API5: variants seen among roughly 807,000 people sequenced by gnomAD.
API5 encodes the protein FIF.
In API5, 6 loss-of-function variants were observed where a neutral mutation model predicts 71.9. That is an observed-to-expected ratio of 0.08 (90% CI 0.05 to 0.16). The LOEUF (loss-of-function observed/expected upper bound fraction) is 0.16, where lower values mean the gene tolerates loss of function less well. Ranked by LOEUF, API5 falls within the 10% of genes least tolerant of loss-of-function variation. API5 has a pLI of 1.00. For synonymous variants in API5, 189 were observed against 221.3 expected (o/e 0.85, Z 1.30); for missense variants, 332 against 612.8 (o/e 0.54, Z 4.84).
At chr11:43,322,396 A>G (rs181336927) in intron 5 of API5, among the ~76,000 whole-genome samples, 1 of 151,804 alleles carries the variant, frequency 6.6e-6, no homozygotes, top group Admixed American at 6.6e-5. Flanking sequence ...AATTTGTGCA[A>G]CCTCTGCAAA....
intron 6 of API5, among the ~76,000 whole-genome samples, chr11:43,325,981 CA>C (rs1855057747): frequency 6.6e-6 from 1 of 152,208 alleles, no homozygotes; most frequent in African/African-American, 2.4e-5. Flanking sequence ...TCTCCACCGC[CA>C]CAGTGCTCCT....
At chr11:43,314,043 C>T (rs1206215966) in intron 1 of API5, among the ~76,000 whole-genome samples, 2 of 151,440 alleles carry the variant, frequency 1.3e-5, no homozygotes, top group Admixed American at 6.6e-5. Flanking sequence ...GAGCTGATAT[C>T]GGGCCACTGC....
At chr11:43,312,910 C>T (rs975244404) in intron 1 of API5, among the ~76,000 whole-genome samples, 5 of 151,970 alleles carry the variant, frequency 3.3e-5, no homozygotes, top group African/African-American at 1.2e-4. Context: ...AGTTCGAGAC[C>T]AGCCTGACCC....
At chr11:43,331,001 A>G (rs1042527178) in intron 11 of API5, among the ~76,000 whole-genome samples, 3 of 152,188 alleles carry the variant, frequency 2.0e-5, no homozygotes, top group African/African-American at 7.2e-5. Flanking sequence ...TGAGAGAACC[A>G]GAAAAAAATC....
In API5 at chr11:43,343,004, CAT is replaced by C. The variant is rs1855672746; in HGVS notation, c.*496_*497del. 1 of 190,364 alleles carries C rather than the reference CAT, an allele frequency of 5.3e-6. No homozygotes were observed. The highest frequency in any genetic ancestry group is 1.3e-4 in the East Asian group (1 of 7,886). 11.8% of individuals were successfully genotyped at this position (190,364 alleles called of 1,614,324 possible). A position where few individuals can be genotyped will look rare whatever the true frequency, so the allele number is the denominator to read the frequency against. ...GTGGTGCAGCATTCCTACCTAGTGTCATAAAAGCAAAATACTTACATAGCTTT... is the reference window on the plus strand; with the variant it reads ...GTGGTGCAGCATTCCTACCTAGTGTCAAAAGCAAAATACTTACATAGCTTT... On this transcript the variant is annotated 3_prime_UTR_variant, in exon 14 of 14. Transcript: ENST00000531273.
At chr11:43,339,350 G>A (rs926622817) in intron 13 of API5, 1 of 152,178 alleles carries the variant, frequency 6.6e-6, no homozygotes, top group African/African-American at 2.4e-5. Flanking sequence ...CAAGATTGTG[G>A]ATCAAAAACA....
intron 13 of API5, among the ~76,000 whole-genome samples, chr11:43,341,872 G>T (rs570483524): frequency 2.0e-5 from 3 of 152,172 alleles, no homozygotes; most frequent in Admixed American, 2.0e-4. Context: ...TTTAAAAAGT[G>T]TACGGGCTGG....
At position 43,311,998 on chromosome 11, in the gene API5, G is replaced by C. The variant is rs1480167338; in HGVS notation, c.-130G>C. 5.7e-6 allele frequency: 6 copies of C among 1,058,192 alleles called. No individual in the cohort carries two copies. The highest frequency in any genetic ancestry group is 4.9e-5 in the Admixed American group (2 of 40,926). 65.6% of individuals were successfully genotyped at this position (1,058,192 alleles called of 1,614,324 possible). A position where few individuals can be genotyped will look rare whatever the true frequency, so the allele number is the denominator to read the frequency against. ...GGGGCGCAGCCGCGCTGTGCGCGGT[G>C]ACTGGCGGCTGCACTGGCGGCAGCT... On this transcript the variant is annotated 5_prime_UTR_variant, in exon 1 of 14. Transcript: ENST00000531273.
chr11:43,333,944 G>A (rs1001891099), intron 11 of API5, among the ~76,000 whole-genome samples: 2 of 152,060 alleles, frequency 1.3e-5, no homozygotes, highest in African/African-American at 4.8e-5. Context: ...CTTCATTCTC[G>A]AGGATTCAAC....
chr11:43,329,834 A>C (rs1590262522), intron 9 of API5, 131 bp from the exon 10 acceptor site: 1 of 697,916 alleles, frequency 1.4e-6, no homozygotes, highest in East Asian at 2.7e-5. Flanking sequence ...AGCAACTTAA[A>C]ATTCTCTTCT....
In API5 at chr11:43,311,996, G is replaced by A; in HGVS notation, c.-132G>A. 2.9e-6 allele frequency: 3 copies of A among 1,046,212 alleles called. No individual in the cohort carries two copies. Among genetic ancestry groups the A allele is most frequent in the Non-Finnish European group, 4.2e-6 (3 of 715,134 alleles). 64.8% of individuals were successfully genotyped at this position (1,046,212 alleles called of 1,614,324 possible). A position where few individuals can be genotyped will look rare whatever the true frequency, so the allele number is the denominator to read the frequency against. ...CGGGGGCGCAGCCGCGCTGTGCGCG[G>A]TGACTGGCGGCTGCACTGGCGGCAG... On this transcript the variant is annotated 5_prime_UTR_variant, in exon 1 of 14. In the 5' UTR this introduces an upstream ATG that the reference lacks. Transcript: ENST00000531273.
chr11:43,328,936 AG>A (rs1855160797), intron 9 of API5, 43 bp downstream of exon 9: 1 of 1,602,760 alleles, frequency 6.2e-7, no homozygotes, highest in Non-Finnish European at 8.5e-7. Context: ...CAAAGGTGGT[AG>A]CTATCCTGAA....
intron 13 of API5, 100 bp from the exon 14 acceptor site, chr11:43,342,328 G>A (rs1321828416): frequency 2.2e-6 from 2 of 920,794 alleles, no homozygotes; most frequent in Admixed American, 2.4e-5. Context: ...GTTCTTATAG[G>A]GCCTACTGCT....
In API5 at chr11:43,322,152, C is replaced by G. The variant is rs772199735; in HGVS notation, c.543+16C>G. 2 of 1,578,774 alleles carry G rather than the reference C, an allele frequency of 1.3e-6. No homozygotes were observed. The highest frequency in any genetic ancestry group is 8.6e-7 in the Non-Finnish European group (1 of 1,165,666). ...ATCCAAAAAGGTGAGCTTTGGTCTT[C>G]ATTTGGTGGAAATTCTCTAAAGCAA... On this transcript the variant is annotated intron_variant, in intron 5 of 13. Transcript: ENST00000531273.
intron 2 of API5, among the ~76,000 whole-genome samples, chr11:43,320,040 CTCTT>C (rs1748915787): frequency 6.9e-6 from 1 of 144,204 alleles, no homozygotes; most frequent in Admixed American, 7.0e-5. Context: ...AGCAAATTCT[CTCTT>C]TTTTTTTTTT....
chr11:43,342,583 G>A lies in API5; in HGVS notation c.*73G>A. 6.7e-7 allele frequency: 1 copy of A among 1,489,242 alleles called. No individual in the cohort carries two copies. The highest frequency in any genetic ancestry group is 9.3e-7 in the Non-Finnish European group (1 of 1,074,398). 92.3% of individuals were successfully genotyped at this position (1,489,242 alleles called of 1,614,324 possible). A position where few individuals can be genotyped will look rare whatever the true frequency, so the allele number is the denominator to read the frequency against. Reference sequence around the variant, plus strand: ...AATTCTACTACTCATTGGATTGCCGGGGATGTCCCTTTAAACAGACTGCTG... The same window carrying A: ...AATTCTACTACTCATTGGATTGCCGAGGATGTCCCTTTAAACAGACTGCTG... On this transcript the variant is annotated 3_prime_UTR_variant, in exon 14 of 14. Coordinates refer to ENST00000531273, the MANE Select transcript of API5 (RefSeq NM_001142930.2).
chr11:43,320,645 C>T (rs1017816646), intron 2 of API5, among the ~76,000 whole-genome samples, 176 bp from the exon 3 acceptor site: 1 of 151,574 alleles, frequency 6.6e-6, no homozygotes, highest in Non-Finnish European at 1.5e-5. Context: ...GCAAGAGGCT[C>T]TCTTGAGCCT....
At chr11:43,319,352 C>T (rs761363268) in intron 2 of API5, among the ~76,000 whole-genome samples, 9 of 152,236 alleles carry the variant, frequency 5.9e-5, no homozygotes, top group East Asian at 5.8e-4. Flanking sequence ...AATATTCAGC[C>T]GTTAGCTCTT....
At chr11:43,340,682 CAA>C (rs989393153) in intron 13 of API5, among the ~76,000 whole-genome samples, 1 of 139,246 alleles carries the variant, frequency 7.2e-6, no homozygotes, top group Admixed American at 7.2e-5. Flanking sequence ...ATTGGAGGGA[CAA>C]AAAAAAAAGG....
Sources: gnomAD v4.1 joint callset for allele counts (sites outside exome capture counted in the v4.1 genomes callset) on GRCh38, gnomAD v4.1.1 for gene constraint, MANE v1.5 for transcripts, NCBI Gene and HGNC (gene_info 2026-07-23, HGNC 2026-07-21) for gene names.